CA10: variants seen among roughly 807,000 people sequenced by gnomAD.
CA10 encodes carbonic anhydrase-related protein 10.
In CA10, 14 loss-of-function variants were observed where a neutral mutation model predicts 44.2. The observed-to-expected ratio is 0.32, with a 90% confidence interval of 0.21 to 0.50. CA10 has a LOEUF of 0.50. Among genes scored for constraint, CA10 ranks in the 20% least tolerant of loss-of-function variants. The pLI, the probability that CA10 is intolerant of heterozygous loss-of-function variation, is 0.99. For missense variants in CA10, 350 were observed against 409.7 expected, an observed-to-expected ratio of 0.85 and a Z score of 1.26; for synonymous variants, 159 against 141.6, an observed-to-expected ratio of 1.12 and a Z score of -0.87.
intron 4 of CA10, among the ~76,000 whole-genome samples, chr17:51,693,348 A>C (rs1237225982): frequency 6.6e-6 from 1 of 152,198 alleles, no homozygotes; most frequent in Non-Finnish European, 1.5e-5. Flanking sequence ...TTTAAAAAAA[A>C]ATAATTTTAA....
intron 4 of CA10, among the ~76,000 whole-genome samples, chr17:51,726,042 T>G (rs1054543599): frequency 6.6e-6 from 1 of 152,194 alleles, no homozygotes. Context: ...ATAGCTCAGG[T>G]GCACATTTAA....
chr17:52,145,675 C>A (rs986689852), intron 1 of CA10, among the ~76,000 whole-genome samples: 10 of 152,274 alleles, frequency 6.6e-5, no homozygotes, highest in African/African-American at 2.4e-4. Flanking sequence ...TCTTGAATCC[C>A]ATAGCTATTT....
At chr17:51,718,837 T>G (rs531660019) in intron 4 of CA10, among the ~76,000 whole-genome samples, 1 of 152,294 alleles carries the variant, frequency 6.6e-6, no homozygotes, top group Non-Finnish European at 1.5e-5. Flanking sequence ...TCCTCACGTG[T>G]TTTGGCAACC....
At chr17:51,832,379 G>A (rs1908316086) in intron 3 of CA10, among the ~76,000 whole-genome samples, 1 of 152,192 alleles carries the variant, frequency 6.6e-6, no homozygotes, top group African/African-American at 2.4e-5. Context: ...TAGAATAGAG[G>A]TAGTTGATAC....
At chr17:52,015,311 G>T (rs1985933279) in intron 2 of CA10, among the ~76,000 whole-genome samples, 1 of 152,120 alleles carries the variant, frequency 6.6e-6, no homozygotes, top group South Asian at 2.1e-4. Flanking sequence ...CTGATGACTT[G>T]ATGTAAGTTG....
rs55854155 is a variant in CA10 at position 51,710,921 on chromosome 17, C to CTTTTTT, written c.465+36706_465+36711dup. On this transcript the variant is annotated intron_variant, in intron 4 of 8. Transcript: ENST00000451037. ...ATGCCAAAGACTGAACAACATTTTG[C>CTTTTTT]TTTTTTTTTTTTTTTTTTTTTTTGC... Among the ~76,000 whole-genome samples, 228 of 84,454 alleles carry CTTTTTT rather than the reference C, an allele frequency of 2.7e-3. 2 individuals are homozygous for CTTTTTT. The highest frequency in any genetic ancestry group is 3.5e-3 in the East Asian group (8 of 2,254). The allele number at this position is 84,454 out of a possible 152,430, so 55.4% of individuals were successfully genotyped here. A position where few individuals can be genotyped will look rare whatever the true frequency, so the allele number is the denominator to read the frequency against.
intron 3 of CA10, among the ~76,000 whole-genome samples, chr17:51,749,077 C>T (rs751681301): frequency 1.3e-5 from 2 of 152,166 alleles, no homozygotes; most frequent in African/African-American, 2.4e-5. Context: ...CCTGGTACAT[C>T]GACCAATGGC....
chr17:51,692,369 ATC>A (rs1915230564), intron 4 of CA10, among the ~76,000 whole-genome samples: 1 of 21,390 alleles, frequency 4.7e-5, no homozygotes. Flanking sequence ...TATCCATCCT[ATC>A]TATCTATCTA....
chr17:51,793,901 T>A (rs1408530691), intron 3 of CA10, among the ~76,000 whole-genome samples: 4 of 152,228 alleles, frequency 2.6e-5, no homozygotes, highest in African/African-American at 9.6e-5. Flanking sequence ...CATGCTCAGA[T>A]TCTGGACATC....
chr17:51,908,951 C>A (rs546369658), intron 3 of CA10, among the ~76,000 whole-genome samples: 6 of 152,118 alleles, frequency 3.9e-5, no homozygotes, highest in African/African-American at 1.4e-4. Flanking sequence ...ATAGGCCACT[C>A]TCACTGAATA....
intron 2 of CA10, among the ~76,000 whole-genome samples, chr17:52,036,372 T>A (rs1021336294): frequency 2.0e-5 from 3 of 152,162 alleles, no homozygotes; most frequent in Non-Finnish European, 4.4e-5. Context: ...TGTGACATGG[T>A]CCTTGCCTTC....
chr17:52,036,768 G>A (rs1262878525), intron 2 of CA10, among the ~76,000 whole-genome samples: 3 of 152,184 alleles, frequency 2.0e-5, no homozygotes, highest in Middle Eastern at 3.2e-3. Flanking sequence ...GATAATGAAT[G>A]TATAGTGTTT....
At chr17:51,693,733 T>G (rs1915301458) in intron 4 of CA10, among the ~76,000 whole-genome samples, 1 of 152,216 alleles carries the variant, frequency 6.6e-6, no homozygotes, top group Non-Finnish European at 1.5e-5. Flanking sequence ...TTTCTTTATT[T>G]GATTCACTGC....
intron 2 of CA10, among the ~76,000 whole-genome samples, chr17:52,031,128 A>ATTAAGT (rs1177713542): frequency 6.6e-6 from 1 of 151,258 alleles, no homozygotes; most frequent in African/African-American, 2.4e-5. Flanking sequence ...TATTTGGCTT[A>ATTAAGT]TTAAGTGGTT....
chr17:51,903,598 A>G (rs1416411314), intron 3 of CA10, among the ~76,000 whole-genome samples: 1 of 152,174 alleles, frequency 6.6e-6, no homozygotes, highest in Non-Finnish European at 1.5e-5. Flanking sequence ...AGATGGCATC[A>G]GGGTGCCTAT....
chr17:52,157,112 A>G (rs1382837359), intron 1 of CA10, among the ~76,000 whole-genome samples: 1 of 152,196 alleles, frequency 6.6e-6, no homozygotes, highest in Non-Finnish European at 1.5e-5. Flanking sequence ...AAACACCGTG[A>G]TGTAAAGAAA....
chr17:52,157,765 G>T lies in CA10; in HGVS notation c.22C>A (p.Leu8Ile), dbSNP rs746273689. 6.2e-7 allele frequency: 1 copy of T among 1,613,952 alleles called. No individual in the cohort carries two copies. The highest frequency in any genetic ancestry group is 1.1e-5 in the South Asian group (1 of 91,074). The change falls in exon 1 of 9, where the codon CTT becomes ATT. Residue 8 changes from leucine to isoleucine, a missense_variant. Physicochemically the swap from Leu to Ile is conservative, Grantham distance 5 (BLOSUM62 2). Coordinates refer to ENST00000451037, the MANE Select transcript of CA10 (RefSeq NM_020178.5). The stretch of plus-strand genomic sequence containing the variant: ...ATGAAATTGGCTTGAAGAAGAAAAA[G>T]CACCTCCCAGACTATTTCCATCCTC... MEIVWEV[L>I]FLLQANFIVC... is the part of the protein sequence containing the mutation.
chr17:51,848,481 C>T (rs746258291), intron 3 of CA10, among the ~76,000 whole-genome samples: 3 of 152,198 alleles, frequency 2.0e-5, no homozygotes, highest in Non-Finnish European at 4.4e-5. Context: ...GTTCCAGGTG[C>T]TGTGGCAGGC....
At chr17:52,033,194 A>G (rs905458859) in intron 2 of CA10, among the ~76,000 whole-genome samples, 1 of 152,232 alleles carries the variant, frequency 6.6e-6, no homozygotes, top group South Asian at 2.1e-4. Flanking sequence ...AAAGATATAG[A>G]GTAGTAAAAT....
Sources: allele counts gnomAD v4.1 joint callset (sites outside exome capture counted in the v4.1 genomes callset), GRCh38; gene constraint gnomAD v4.1.1; transcripts MANE v1.5; gene names NCBI Gene and HGNC (gene_info 2026-07-23, HGNC 2026-07-21).